Variants in CCDC57 observed in about 807,000 individuals in gnomAD.
CCDC57 encodes coiled-coil domain containing 57, also known as coiled-coil domain-containing protein 57.
In CCDC57, 118 loss-of-function variants were observed where a neutral mutation model predicts 118.9. The observed-to-expected ratio is 0.99, with a 90% CI of 0.86 to 1.16. The LOEUF is 1.16. Among genes scored for constraint, CCDC57 ranks in the 50% most tolerant of loss-of-function variants. The probability of loss-of-function intolerance (pLI) is 0.00; values close to 1 mark genes in which losing one functional copy is unlikely to be tolerated. For missense variants in CCDC57, 1,300 were observed against 1,320.7 expected (o/e 0.98, Z 0.24); for synonymous variants, 527 against 532.9 (o/e 0.99, Z 0.15).
intron 8 of CCDC57, among the ~76,000 whole-genome samples, chr17:82,185,875 G>A (rs2146555711): frequency 6.6e-6 from 1 of 152,200 alleles, no homozygotes; most frequent in East Asian, 1.9e-4. Flanking sequence ...AAGAAAAAAA[G>A]GAACTGAAAT....
intron 13 of CCDC57, among the ~76,000 whole-genome samples, chr17:82,170,215 CAAG>C (rs1283307348): frequency 6.6e-6 from 1 of 152,024 alleles, no homozygotes; most frequent in Non-Finnish European, 1.5e-5. Context: ...GTTGTCCTTA[CAAG>C]AAGAGGAAGA....
At chr17:82,101,511 G>A (rs779338110), downstream of CCDC57, 2 of 592,852 alleles carry the variant, frequency 3.4e-6, no homozygotes, top group Non-Finnish European at 5.8e-6. Flanking sequence ...TGTGCTCAGG[G>A]AGGCCTTCAG....
At chr17:82,116,739 C>A (rs1568155698) in intron 19 of CCDC57, among the ~76,000 whole-genome samples, 1 of 152,146 alleles carries the variant, frequency 6.6e-6, no homozygotes, top group Non-Finnish European at 1.5e-5. Context: ...AGGTGAGACA[C>A]CAGGTATGGT....
rs7218075 is a variant in CCDC57 at position 82,118,932 on chromosome 17, C to T, written c.2899+8760G>A. On this transcript the variant is annotated intron_variant, in intron 19 of 19. Transcript: ENST00000665763. The surrounding 1 kb of genome is among the most constrained non-coding windows in gnomAD (Gnocchi z 4.7). ...GGTTTGCCTTGGAGTCCCTCCCTCG[C>T]CCTGGAATGCCTGGTAGTGTGTGGT... Among the ~76,000 whole-genome samples the T allele has an allele frequency of 6.6e-6, 1 of 150,884 alleles. No homozygotes were observed. Among genetic ancestry groups the T allele is most frequent in the Admixed American group, 6.6e-5 (1 of 15,114 alleles).
At chr17:82,162,620 A>G (rs1404862200) in intron 14 of CCDC57, among the ~76,000 whole-genome samples, 1 of 127,850 alleles carries the variant, frequency 7.8e-6, no homozygotes, top group African/African-American at 3.0e-5. Context: ...ACTGACCAGG[A>G]CCCCTCTGAG....
At chr17:82,210,760 C>T (rs943315219) in intron 1 of CCDC57, among the ~76,000 whole-genome samples, 4 of 150,390 alleles carry the variant, frequency 2.7e-5, no homozygotes, top group African/African-American at 9.8e-5. Context: ...TTTGGGAGGC[C>T]AAGGTGGTGG....
chr17:82,115,476 G>A (rs189826621), intron 19 of CCDC57, among the ~76,000 whole-genome samples: 1 of 152,204 alleles, frequency 6.6e-6, no homozygotes, highest in African/African-American at 2.4e-5. Flanking sequence ...GCGACCTTAG[G>A]ATACATTTTA....
chr17:82,173,153 G>A (rs1205699083), intron 11 of CCDC57, among the ~76,000 whole-genome samples: 1 of 152,206 alleles, frequency 6.6e-6, no homozygotes, highest in Non-Finnish European at 1.5e-5. Context: ...GGGGGAGCCA[G>A]TGTTTCTTGG....
rs1035782242 is a variant in CCDC57 at position 82,192,173 on chromosome 17, C to A, written c.851+1583G>T. ...GCTAATTTTGTATTTTTCGTAGAGA[C>A]GGGGTTTCACCATGTTGGTCAGGCT... On this transcript the variant is annotated intron_variant, in intron 7 of 19. Coordinates refer to ENST00000665763, the Ensembl canonical transcript of CCDC57. This position sits in a 1 kb window ranked among gnomAD's most constrained non-coding sequence, Gnocchi z 4.0. 1.3e-5 allele frequency among the ~76,000 whole-genome samples: 2 copies of A among 151,898 alleles called. No homozygotes were observed. The highest frequency in any genetic ancestry group is 3.9e-4 in the East Asian group (2 of 5,184).
intron 19 of CCDC57, among the ~76,000 whole-genome samples, chr17:82,105,870 A>C (rs2034809209): frequency 1.3e-5 from 2 of 152,234 alleles, no homozygotes; most frequent in African/African-American, 4.8e-5. Context: ...TGCATGCTCC[A>C]GGGCTCTGGG....
intron 19 of CCDC57, among the ~76,000 whole-genome samples, chr17:82,105,465 C>T (rs2144869979): frequency 6.6e-6 from 1 of 152,290 alleles, no homozygotes; most frequent in East Asian, 1.9e-4. Context: ...GTGAATGTGA[C>T]TTGACTCCCC....
intron 13 of CCDC57, 142 bp from the exon 13 acceptor site, chr17:82,163,499 T>C (rs570167813): frequency 3.1e-5 from 27 of 884,272 alleles, no homozygotes; most frequent in Non-Finnish European, 3.4e-5. Context: ...CTGTTCTTCA[T>C]TGGAGTCAGC....
intron 2 of CCDC57, among the ~76,000 whole-genome samples, chr17:82,203,425 C>A (rs1057034302): frequency 6.6e-6 from 1 of 152,158 alleles, no homozygotes; most frequent in African/African-American, 2.4e-5. Flanking sequence ...AGAGTACATT[C>A]TTTTGTTCTT....
At chr17:82,107,990 C>T (rs928120834) in intron 19 of CCDC57, among the ~76,000 whole-genome samples, 2 of 152,214 alleles carry the variant, frequency 1.3e-5, no homozygotes, top group Non-Finnish European at 2.9e-5. Flanking sequence ...TCAGCAAATG[C>T]ATGAGCATTT....
At chr17:82,181,223 G>T (rs1372465026) in intron 9 of CCDC57, among the ~76,000 whole-genome samples, 1 of 152,212 alleles carries the variant, frequency 6.6e-6, no homozygotes, top group Non-Finnish European at 1.5e-5. Context: ...AGCCAACACC[G>T]GCTGGGCCAA....
intron 14 of CCDC57, among the ~76,000 whole-genome samples, chr17:82,159,863 A>G (rs1236977182): frequency 6.6e-6 from 1 of 151,810 alleles, no homozygotes; most frequent in East Asian, 1.9e-4. Context: ...GTAGACACAG[A>G]GTTCATCATG....
chr17:82,113,173 AAGACTGCCCTGTCCTTTC>A (rs2035414317), intron 19 of CCDC57: 1 of 558,934 alleles, frequency 1.8e-6, no homozygotes, highest in Admixed American at 3.3e-5. Flanking sequence ...AGAAAGTTCC[AAGACTGCCCTGTCCTTTC>A]AGAAGCCACA....
At chr17:82,184,362 C>T (rs775058900) in intron 8 of CCDC57, among the ~76,000 whole-genome samples, 8 of 152,194 alleles carry the variant, frequency 5.3e-5, no homozygotes, top group Non-Finnish European at 1.0e-4. Flanking sequence ...CAGCACCCCA[C>T]GTGCAGAGAC....
At chr17:82,107,628 T>C (rs1225199227) in intron 19 of CCDC57, 2 of 469,542 alleles carry the variant, frequency 4.3e-6, no homozygotes, top group Non-Finnish European at 8.8e-6. Flanking sequence ...GGCCCTGTTG[T>C]GACAGGAGAA....
Sources: allele counts gnomAD v4.1 joint callset (sites outside exome capture counted in the v4.1 genomes callset), GRCh38; gene constraint gnomAD v4.1.1; non-coding constraint Gnocchi (gnomAD v3.1); transcripts MANE v1.5; gene names NCBI Gene and HGNC (gene_info 2026-07-23, HGNC 2026-07-21).